CFAP206: variants seen among roughly 807,000 people sequenced by gnomAD.
CFAP206 encodes the protein cilia and flagella associated protein 206.
CFAP206 carries 53 observed loss-of-function variants against 65.4 expected under a neutral mutation model. The observed-to-expected ratio is 0.81, with a 90% confidence interval of 0.65 to 1.02. CFAP206 has a LOEUF of 1.02. Among genes scored for constraint, CFAP206 ranks in the 50% least tolerant of loss-of-function variants. The pLI, the probability that CFAP206 is intolerant of heterozygous loss-of-function variation, is 0.00. For synonymous variants in CFAP206, 250 were observed against 254.4 expected (o/e 0.98, Z 0.17); for missense variants, 663 against 753.2 (o/e 0.88, Z 1.40).
intron 11 of CFAP206, among the ~76,000 whole-genome samples, chr6:87,438,008 A>G (rs1329985868): frequency 1.3e-5 from 2 of 151,682 alleles, no homozygotes; most frequent in South Asian, 2.1e-4. Context: ...TAAATTGTCA[A>G]TCTATATAAC....
chr6:87,439,451 A>AT lies in CFAP206; in HGVS notation c.1494+4402dup, dbSNP rs149221320. On this transcript the variant is annotated intron_variant, in intron 11 of 12. Transcript: ENST00000369562. ...GCAGGAAGTGTTTTTTCAAAATTGT[A>AT]TTTTGCTTATGAATTCTTTGTTAAA... Among the ~76,000 whole-genome samples, 299 of 151,966 alleles carry AT rather than the reference A, an allele frequency of 2.0e-3. 9 individuals carry two copies. In the East Asian group the frequency reaches 0.053, roughly 27 times the overall value.
chr6:87,429,811 A>G (rs1768127080), intron 9 of CFAP206, among the ~76,000 whole-genome samples: 1 of 152,224 alleles, frequency 6.6e-6, no homozygotes, highest in African/African-American at 2.4e-5. Flanking sequence ...ATAAAAATAT[A>G]GCAGTCATTT....
chr6:87,462,389 T>C (rs1432153676), intron 12 of CFAP206, among the ~76,000 whole-genome samples: 2 of 152,216 alleles, frequency 1.3e-5, no homozygotes, highest in Non-Finnish European at 2.9e-5. Context: ...TACTCTCCTG[T>C]AGTTCATGAA....
At chr6:87,442,836 GTTTAT>G (rs1768379928) in intron 11 of CFAP206, among the ~76,000 whole-genome samples, 1 of 152,012 alleles carries the variant, frequency 6.6e-6, no homozygotes, top group African/African-American at 2.4e-5. Flanking sequence ...ACTTGGTATA[GTTTAT>G]TTTATTTATT....
At chr6:87,447,768 T>C (rs1230143882) in intron 11 of CFAP206, among the ~76,000 whole-genome samples, 2 of 152,132 alleles carry the variant, frequency 1.3e-5, no homozygotes, top group African/African-American at 4.8e-5. Context: ...GGTTTCTCCT[T>C]GTACCTCTGG....
chr6:87,428,828 AT>A lies in CFAP206; in HGVS notation c.1159+5del, dbSNP rs772463859. 1 of 1,611,116 alleles carries A rather than the reference AT, an allele frequency of 6.2e-7. No homozygotes were observed. The highest frequency in any genetic ancestry group is 1.1e-5 in the South Asian group (1 of 91,012). ...TGTAGAATGAAAGAACACATGGGTA[AT>A]GAAAATCATCCATTATTTCCTCTTC... On this transcript the variant is annotated splice_donor_5th_base_variant and intron_variant, in intron 9 of 12. Coordinates refer to ENST00000369562, the MANE Select transcript of CFAP206 (RefSeq NM_001031743.3).
chr6:87,449,727 C>A (rs1768508647), intron 11 of CFAP206, among the ~76,000 whole-genome samples: 1 of 152,096 alleles, frequency 6.6e-6, no homozygotes. Flanking sequence ...TCTGGATATT[C>A]ATCCCTTAAT....
At position 87,428,683 on chromosome 6, in the gene CFAP206, G is replaced by T. The variant is rs776034016; in HGVS notation, c.1018G>T (p.Val340Phe). The T allele has an allele frequency of 9.3e-6, 15 of 1,613,960 alleles. No homozygotes were observed. In the South Asian group the frequency reaches 1.1e-4, roughly 12 times the overall value. Residue 340 changes from valine (V) to phenylalanine (F), a missense_variant, in exon 9 of 13, where the codon GTT becomes TTT. Coordinates refer to ENST00000369562, the MANE Select transcript of CFAP206 (RefSeq NM_001031743.3). The stretch of plus-strand genomic sequence containing the variant: ...CAGCTTGCAAGACGAAACTATTGTG[G>T]TTGGTGTCCTCAGTAATTTATTCAC... ...WTSLQDETIV[V>F]GVLSNLFTHI...
At chr6:87,410,698 A>G (rs12663587) in intron 3 of CFAP206, 30 bp downstream of exon 3, 107,719 of 1,534,746 alleles carry the variant, frequency 0.07, 4,106 homozygotes, top group East Asian at 0.086. Context: ...CAAATTTGCA[A>G]TTACTTATTC....
chr6:87,431,090 C>G lies in CFAP206; in HGVS notation c.1217C>G (p.Thr406Arg). 6.2e-7 allele frequency: 1 copy of G among 1,613,930 alleles called. No homozygotes were observed. ...CTAGAATGGCTTTTCCCAGAAACAA[C>G]AGCAAATTTTGATAAACTGTTAATT... ...RKLEWLFPETTANFDKLLIQY... is the reference protein window; with the variant it reads ...RKLEWLFPETRANFDKLLIQY... Residue 406 changes from threonine (T) to arginine (R), a missense_variant, in exon 10 of 13, where the codon ACA becomes AGA. Physicochemically the swap from Thr to Arg is moderately conservative, Grantham distance 71. Transcript: ENST00000369562.
chr6:87,431,237 AT>A (rs1267537914), intron 10 of CFAP206, 64 bp downstream of exon 10: 13 of 1,445,072 alleles, frequency 9.0e-6, no homozygotes, highest in Non-Finnish European at 1.2e-5. Context: ...GAGTTCTGTC[AT>A]TGTCACTTGA....
At chr6:87,408,142 C>A in intron 1 of CFAP206, 53 bp downstream of exon 1, 1 of 932,946 alleles carries the variant, frequency 1.1e-6, no homozygotes, top group Non-Finnish European at 1.3e-6. Flanking sequence ...CCCCGCCAGG[C>A]GGCGAGCTTG....
At chr6:87,417,403 C>T (rs1321518073) in intron 6 of CFAP206, among the ~76,000 whole-genome samples, 1 of 152,070 alleles carries the variant, frequency 6.6e-6, no homozygotes, top group Non-Finnish European at 1.5e-5. Flanking sequence ...TAGTGTCTTT[C>T]ACCAAATCAC....
At chr6:87,438,248 G>A (rs1345183061) in intron 11 of CFAP206, among the ~76,000 whole-genome samples, 1 of 152,088 alleles carries the variant, frequency 6.6e-6, no homozygotes, top group Non-Finnish European at 1.5e-5. Flanking sequence ...AGATCACAAG[G>A]TCAGGAGTTC....
chr6:87,416,599 C>T, intron 5 of CFAP206, 70 bp from the exon 6 acceptor site: 4 of 1,399,860 alleles, frequency 2.9e-6, no homozygotes, highest in South Asian at 1.4e-5. Context: ...TAAAGAAAAA[C>T]GTTATTTAAC....
chr6:87,413,794 G>A lies in CFAP206; in HGVS notation c.193-16G>A. The stretch of plus-strand genomic sequence containing the variant: ...AAAACTATAACTAGAAGTATTCATG[G>A]GACATTCTTTTCTAGCTTTGTATGA... On this transcript the variant is annotated splice_polypyrimidine_tract_variant and intron_variant, in intron 3 of 12. Transcript: ENST00000369562. 6.9e-7 allele frequency: 1 copy of A among 1,439,816 alleles called. No individual in the cohort carries two copies. Among genetic ancestry groups the A allele is most frequent in the Admixed American group, 2.1e-5 (1 of 47,640 alleles). 89.2% of individuals were successfully genotyped at this position (1,439,816 alleles called of 1,614,324 possible).
chr6:87,455,731 C>T (rs1562010956), intron 11 of CFAP206, among the ~76,000 whole-genome samples: 1 of 152,106 alleles, frequency 6.6e-6, no homozygotes, highest in African/African-American at 2.4e-5. Flanking sequence ...CTACTATTAG[C>T]AACTACATGC....
chr6:87,411,363 C>G (rs941010252), intron 3 of CFAP206, among the ~76,000 whole-genome samples: 2 of 152,072 alleles, frequency 1.3e-5, no homozygotes, highest in African/African-American at 4.8e-5. Flanking sequence ...ATGGCCTTTG[C>G]CCACTTTATA....
At chr6:87,413,449 T>A (rs1408095735) in intron 3 of CFAP206, among the ~76,000 whole-genome samples, 1 of 152,090 alleles carries the variant, frequency 6.6e-6, no homozygotes, top group African/African-American at 2.4e-5. Context: ...AGTGGAACAG[T>A]AGACATTGAA....
Sources: gnomAD v4.1 joint callset for allele counts (sites outside exome capture counted in the v4.1 genomes callset) on GRCh38, gnomAD v4.1.1 for gene constraint, MANE v1.5 for transcripts, NCBI Gene and HGNC (gene_info 2026-07-23, HGNC 2026-07-21) for gene names.